Variants in SH3D19 observed in about 807,000 individuals in gnomAD.
SH3D19 encodes the protein SH3 domain-containing protein 19.
SH3D19 carries 58 observed loss-of-function variants against 112.1 expected under a neutral mutation model. The ratio of observed to expected loss-of-function variants is 0.52; its 90% CI spans 0.42 to 0.64. The LOEUF (loss-of-function observed/expected upper bound fraction) is 0.64. SH3D19 is among the 30% of genes least tolerant of loss of function. SH3D19 has a pLI of 0.00. For missense variants in SH3D19, 1,090 were observed against 1,263.4 expected (o/e 0.86, Z 2.08); for synonymous variants, 391 against 448.5 (o/e 0.87, Z 1.62).
chr4:151,224,038 G>A (rs1015593764), intron 2 of SH3D19, among the ~76,000 whole-genome samples: 7 of 152,108 alleles, frequency 4.6e-5, no homozygotes, highest in Non-Finnish European at 1.5e-5. Flanking sequence ...GGCCGGGCAC[G>A]GTGGCTCACG....
At chr4:151,245,539 T>C (rs939498363) in intron 1 of SH3D19, among the ~76,000 whole-genome samples, 9 of 152,246 alleles carry the variant, frequency 5.9e-5, no homozygotes, top group African/African-American at 2.2e-4. Context: ...TTACTGTAGC[T>C]GAAAAGTCAT....
Position 151,226,356 on chromosome 4 carries a change from C to A in SH3D19, c.113-270G>T, listed in dbSNP as rs986299043. 2.2e-5 allele frequency: 24 copies of A among 1,108,504 alleles called. No homozygotes were observed. In the African/African-American group the frequency reaches 3.7e-4, roughly 17 times the overall value. The allele number at this position is 1,108,504 out of a possible 1,614,324, so 68.7% of individuals were successfully genotyped here. ...CATTATTTCATTTTATAAGATCTTT[C>A]CTGTGCTAAATACTTTGCTAACACT... is the stretch of plus-strand genomic sequence containing the variant. On this transcript the variant is annotated intron_variant, in intron 1 of 19. Coordinates refer to ENST00000604030, the MANE Select transcript of SH3D19 (RefSeq NM_001378122.1).
Position 151,153,198 on chromosome 4 carries a change from G to T in SH3D19, c.1756-3637C>A, listed in dbSNP as rs141120505. Among the ~76,000 whole-genome samples the T allele has an allele frequency of 4.2e-3, 637 of 152,162 alleles. 5 individuals are homozygous for T. Among genetic ancestry groups the T allele is most frequent in the Non-Finnish European group, 6.6e-3 (451 of 68,008 alleles). ...CACACTCTTGTCTGCTGGAATTACT[G>T]AGTGGCCTCCATATGTTTCTTATCT... On this transcript the variant is annotated intron_variant, in intron 9 of 19. Transcript: ENST00000604030.
intron 14 of SH3D19, 57 bp from the exon 15 acceptor site, chr4:151,135,189 A>C: frequency 1.4e-6 from 2 of 1,416,798 alleles, no homozygotes; most frequent in Non-Finnish European, 1.9e-6. Context: ...TCATAAGATA[A>C]ATTTAAGGTT....
At chr4:151,316,112 T>C (rs1729959695) in intron 1 of SH3D19, among the ~76,000 whole-genome samples, 2 of 152,142 alleles carry the variant, frequency 1.3e-5, no homozygotes, top group South Asian at 4.1e-4. Context: ...AAAGTCATGA[T>C]AATAATATAT....
intron 1 of SH3D19, among the ~76,000 whole-genome samples, chr4:151,299,077 T>C (rs1205719860): frequency 2.0e-5 from 3 of 152,242 alleles, no homozygotes; most frequent in Admixed American, 6.5e-5. Context: ...AAATCTTGCT[T>C]GTTAAAATTA....
At chr4:151,133,326 T>G in intron 15 of SH3D19, 90 bp from the exon 16 acceptor site, 1 of 1,095,084 alleles carries the variant, frequency 9.1e-7, no homozygotes, top group Non-Finnish European at 1.3e-6. Flanking sequence ...AAATATTTAT[T>G]CTGGGTTTAC....
In SH3D19 at chr4:151,282,470, C is replaced by T. The variant is rs1580398761; in HGVS notation, c.112+42771G>A. 9 of 1,564,508 alleles carry T rather than the reference C, an allele frequency of 5.8e-6. No homozygotes were observed. In the East Asian group the frequency reaches 9.0e-5, roughly 16 times the overall value. ...TATGTCATCCTCTTGTACTCCAGAACATTCATATTCTAGGCATATCCTTAC... is the reference window on the plus strand; with the variant it reads ...TATGTCATCCTCTTGTACTCCAGAATATTCATATTCTAGGCATATCCTTAC... On this transcript the variant is annotated intron_variant, in intron 1 of 19. Transcript: ENST00000604030.
chr4:151,295,923 C>A (rs1192157832), intron 1 of SH3D19, among the ~76,000 whole-genome samples: 1 of 151,878 alleles, frequency 6.6e-6, no homozygotes, highest in African/African-American at 2.4e-5. Flanking sequence ...GTAGTCCCAG[C>A]TACTCAGGAG....
intron 2 of SH3D19, among the ~76,000 whole-genome samples, chr4:151,210,683 G>A (rs536604673): frequency 1.3e-5 from 2 of 151,942 alleles, no homozygotes; most frequent in Non-Finnish European, 2.9e-5. Context: ...TTACAGGCGT[G>A]AGCCACTGTG....
Position 151,253,515 on chromosome 4 carries a change from C to A in SH3D19, c.113-27429G>T, listed in dbSNP as rs1358410180. ...CAGCACTTCGGGAGGCCTAGGCGGGCGGATCACGAGGTCAGGAGATTGAGA... is the reference window on the plus strand; with the variant it reads ...CAGCACTTCGGGAGGCCTAGGCGGGAGGATCACGAGGTCAGGAGATTGAGA... On this transcript the variant is annotated intron_variant, in intron 1 of 19. Transcript: ENST00000604030. 2.0e-5 allele frequency among the ~76,000 whole-genome samples: 3 copies of A among 152,210 alleles called. No homozygotes were observed. The East Asian group carries it at 5.8e-4, about 29-fold the overall frequency.
intron 2 of SH3D19, among the ~76,000 whole-genome samples, chr4:151,208,178 T>A (rs1464054405): frequency 1.3e-5 from 2 of 152,208 alleles, no homozygotes; most frequent in Non-Finnish European, 2.9e-5. Context: ...GTGGGCCTGA[T>A]TTAATCAGTT....
intron 1 of SH3D19, among the ~76,000 whole-genome samples, chr4:151,283,550 C>T (rs1774456711): frequency 7.0e-6 from 1 of 143,390 alleles, no homozygotes. Context: ...CAGAGCCTTG[C>T]TCTGTCACCC....
intron 1 of SH3D19, among the ~76,000 whole-genome samples, chr4:151,243,700 G>A (rs551535095): frequency 6.6e-6 from 1 of 152,214 alleles, no homozygotes. Flanking sequence ...TGTATCATAT[G>A]TCTCCAGGGC....
chr4:151,155,677 G>C (rs1755966386), intron 9 of SH3D19, among the ~76,000 whole-genome samples: 1 of 152,156 alleles, frequency 6.6e-6, no homozygotes, highest in African/African-American at 2.4e-5. Context: ...TTTGAGGTCA[G>C]GAGTTCAAGA....
At chr4:151,282,074 T>C (rs1774289733) in intron 1 of SH3D19, 4 of 1,496,930 alleles carry the variant, frequency 2.7e-6, no homozygotes, top group Non-Finnish European at 3.7e-6. Context: ...GAGTAGAGAC[T>C]TAGTGCTACA....
intron 1 of SH3D19, chr4:151,279,782 T>C: frequency 6.2e-7 from 1 of 1,613,058 alleles, no homozygotes; most frequent in Non-Finnish European, 8.5e-7. Context: ...TTTCCCTTTC[T>C]TCTCTTTCTC....
chr4:151,323,213 C>A (rs923126651), intron 1 of SH3D19, among the ~76,000 whole-genome samples: 2 of 152,038 alleles, frequency 1.3e-5, no homozygotes, highest in Non-Finnish European at 2.9e-5. Flanking sequence ...TCCATAAACC[C>A]CAGGTTTATG....
intron 1 of SH3D19, among the ~76,000 whole-genome samples, chr4:151,277,590 G>C (rs986498246): frequency 2.0e-5 from 3 of 152,086 alleles, no homozygotes; most frequent in Non-Finnish European, 4.4e-5. Flanking sequence ...TCACTAAGAA[G>C]GAGTCATTTG....
Sources: gnomAD v4.1 joint callset for allele counts (sites outside exome capture counted in the v4.1 genomes callset) on GRCh38, gnomAD v4.1.1 for gene constraint, MANE v1.5 for transcripts, NCBI Gene and HGNC (gene_info 2026-07-23, HGNC 2026-07-21) for gene names.